The following BCAM variants were observed in gnomAD, a reference collection of about 807,000 sequenced individuals.
The protein encoded by BCAM is basal cell adhesion molecule (Lutheran blood group).
In BCAM, 61 loss-of-function variants were observed where a neutral mutation model predicts 72.4. The ratio of observed to expected loss-of-function variants is 0.84; its 90% CI spans 0.69 to 1.04. The LOEUF (loss-of-function observed/expected upper bound fraction) is 1.04, where lower values mean the gene tolerates loss of function less well. BCAM is among the 50% of genes least tolerant of loss of function. The probability of loss-of-function intolerance (pLI) is 0.00; values close to 1 mark genes in which losing one functional copy is unlikely to be tolerated. For missense variants in BCAM, 909 were observed against 895.0 expected, an observed-to-expected ratio of 1.02 and a Z score of -0.20; for synonymous variants, 408 against 384.2, an observed-to-expected ratio of 1.06 and a Z score of -0.73.
Position 44,813,297 on chromosome 19 carries a change from G to T in BCAM, c.552G>T (p.Thr184=). 1 of 1,614,126 alleles carries T rather than the reference G, an allele frequency of 6.2e-7. No homozygotes were observed. Among genetic ancestry groups the T allele is most frequent in the Non-Finnish European group, 8.5e-7 (1 of 1,180,026 alleles). ...ACGGGAACCCGGCCCCCAAGATCAC[G>T]TGGTATCGCAACGGGCAGCGCCTGG... is the stretch of plus-strand genomic sequence containing the variant. The part of the protein sequence containing the change: ...SRNGNPAPKI[T]WYRNGQRLEV... Residue 184 remains threonine (T), a synonymous_variant, in exon 5 of 15, where the codon ACG becomes ACT. Transcript: ENST00000270233. The surrounding 1 kb of genome is among the most constrained non-coding windows in gnomAD (Gnocchi z 4.2).
Position 44,809,145 on chromosome 19 carries a change from G to A in BCAM, c.21G>A (p.Pro7=), listed in dbSNP as rs1043508941. Residue 7 remains proline (P), a synonymous_variant, in exon 1 of 15, where the codon CCG becomes CCA. Transcript: ENST00000270233. MEPPDA[P]AQARGAPRLL... Reference sequence around the variant, plus strand: ...TGAACATGGAGCCCCCGGACGCACCGGCCCAGGCGCGCGGGGCCCCGCGGC... The same window carrying A: ...TGAACATGGAGCCCCCGGACGCACCAGCCCAGGCGCGCGGGGCCCCGCGGC... 54 of 1,467,258 alleles carry A rather than the reference G, an allele frequency of 3.7e-5. No individual in the cohort carries two copies. The highest frequency in any genetic ancestry group is 4.7e-5 in the Non-Finnish European group (52 of 1,112,916). 90.9% of individuals were successfully genotyped at this position (1,467,258 alleles called of 1,614,324 possible). A position where few individuals can be genotyped will look rare whatever the true frequency, so the allele number is the denominator to read the frequency against.
At position 44,812,540 on chromosome 19, in the gene BCAM, G is replaced by A; in HGVS notation, c.496G>A (p.Ala166Thr). ...KGTLSVMEDSAQEIATCNSRN... is the reference protein window; with the variant it reads ...KGTLSVMEDSTQEIATCNSRN... ...GACACTGTCTGTGATGGAGGACTCT[G>A]CCCAGGAGGTACCTCTCGGGTGGAC... Residue 166 changes from alanine to threonine, a missense_variant, in exon 4 of 15, where the codon GCC (alanine) becomes ACC (threonine). Physicochemically the swap from Ala to Thr is moderately conservative, Grantham distance 58 (BLOSUM62 0). Coordinates refer to ENST00000270233, the MANE Select transcript of BCAM (RefSeq NM_005581.5). The surrounding 1 kb of genome is among the most constrained non-coding windows in gnomAD (Gnocchi z 5.3). 1 of 1,614,190 alleles carries A rather than the reference G, an allele frequency of 6.2e-7. No homozygotes were observed.
chr19:44,819,758 T>C, intron 13 of BCAM, 32 bp downstream of exon 13: 1 of 1,562,388 alleles, frequency 6.4e-7, no homozygotes, highest in Non-Finnish European at 8.6e-7. Flanking sequence ...ATGACCACCA[T>C]AGCTTAACCC....
At chr19:44,817,009 G>A (rs982194340) in intron 8 of BCAM, among the ~76,000 whole-genome samples, 11 of 152,000 alleles carry the variant, frequency 7.2e-5, no homozygotes, top group Admixed American at 5.2e-4. Flanking sequence ...AGGCAGAGGC[G>A]GGCAGATCAT....
rs766822712 is a variant in BCAM at position 44,819,077 on chromosome 19, C to G, written c.1358C>G (p.Ala453Gly). 1.9e-6 allele frequency: 3 copies of G among 1,614,020 alleles called. No individual in the cohort carries two copies. The South Asian group carries it at 3.3e-5, about 18-fold the overall frequency. Residue 453 changes from alanine to glycine, a missense_variant, in exon 11 of 15, where the codon GCG becomes GGG. Physicochemically the swap from Ala to Gly is moderately conservative, Grantham distance 60. Coordinates refer to ENST00000270233, the MANE Select transcript of BCAM (RefSeq NM_005581.5). ...ACAGGCTCGCCAGAGCTAAAGACAGCGGAAATAGAGCCCAAGGCAGATGGC... is the reference window on the plus strand; with the variant it reads ...ACAGGCTCGCCAGAGCTAAAGACAGGGGAAATAGAGCCCAAGGCAGATGGC... ...LVQGSPELKTAEIEPKADGSW... is the reference protein window; with the variant it reads ...LVQGSPELKTGEIEPKADGSW...
rs754116424 is a variant in BCAM at position 44,819,188 on chromosome 19, G to A, written c.1469G>A (p.Gly490Asp). The A allele has an allele frequency of 3.7e-6, 6 of 1,613,856 alleles. No individual in the cohort carries two copies. The highest frequency in any genetic ancestry group is 1.7e-5 in the Admixed American group (1 of 59,976). The change falls in exon 11 of 15, where the codon GGC becomes GAC. Residue 490 changes from glycine to aspartate, a missense_variant. Coordinates refer to ENST00000270233, the MANE Select transcript of BCAM (RefSeq NM_005581.5). ...AAACTCAGCTGGAGCCAATTGGGGG[G>A]CAGCGTAAGGGACCTTCCTCTCCAC... The part of the protein sequence containing the change: ...DPKLSWSQLG[G>D]SPAEPIPGRQ...
At position 44,820,629 on chromosome 19, in the gene BCAM, A is replaced by G. The variant is rs1378796146; in HGVS notation, c.1764-76A>G. ...CCCCAGCCGCATCCTAGTCCCACCCACCCCCATCCTCAGTTCCTCCCCCTG... is the reference window on the plus strand; with the variant it reads ...CCCCAGCCGCATCCTAGTCCCACCCGCCCCCATCCTCAGTTCCTCCCCCTG... On this transcript the variant is annotated intron_variant, in intron 13 of 14. Coordinates refer to ENST00000270233, the MANE Select transcript of BCAM (RefSeq NM_005581.5). 3.5e-6 allele frequency: 3 copies of G among 865,894 alleles called. No individual in the cohort carries two copies. The African/African-American group carries it at 8.6e-5, about 25-fold the overall frequency. 53.6% of individuals were successfully genotyped at this position (865,894 alleles called of 1,614,324 possible). A position where few individuals can be genotyped will look rare whatever the true frequency, so the allele number is the denominator to read the frequency against.
intron 13 of BCAM, 117 bp downstream of exon 13, chr19:44,819,843 T>C (rs28399661): frequency 0.034 from 48,477 of 1,423,654 alleles, 946 homozygotes; most frequent in Middle Eastern, 0.045. Flanking sequence ...TCCCACCACA[T>C]CCACCTCCAT....
In BCAM at chr19:44,813,763, T is replaced by C; in HGVS notation, c.784+143T>C. 7 of 1,178,930 alleles carry C rather than the reference T, an allele frequency of 5.9e-6. No individual in the cohort carries two copies. The highest frequency in any genetic ancestry group is 8.1e-6 in the Non-Finnish European group (7 of 859,610). The allele number at this position is 1,178,930 out of a possible 1,614,324, so 73.0% of individuals were successfully genotyped here. A position where few individuals can be genotyped will look rare whatever the true frequency, so the allele number is the denominator to read the frequency against. ...AAAAAAATGTGCTAGTGCTGGCCAC[T>C]GACCTCTGACCTCAATTGGTCGCAC... On this transcript the variant is annotated intron_variant, in intron 6 of 14. Transcript: ENST00000270233. This position sits in a 1 kb window ranked among gnomAD's most constrained non-coding sequence, Gnocchi z 4.2.
chr19:44,818,899 G>T lies in BCAM; in HGVS notation c.1336+17G>T. ...TGGTCCAAGGTTCAGGGGGCAGGGA[G>T]GGGGTGGGCTTGGATGGGGACAGTG... On this transcript the variant is annotated intron_variant, in intron 10 of 14. Coordinates refer to ENST00000270233, the MANE Select transcript of BCAM (RefSeq NM_005581.5). This position sits in a 1 kb window ranked among gnomAD's most constrained non-coding sequence, Gnocchi z 4.6. 6.2e-7 allele frequency: 1 copy of T among 1,611,548 alleles called. No individual in the cohort carries two copies. The highest frequency in any genetic ancestry group is 1.3e-5 in the African/African-American group (1 of 75,024).
chr19:44,813,461 G>A lies in BCAM; in HGVS notation c.625G>A (p.Val209Ile). The change falls in exon 6 of 15, where the codon GTC becomes ATC. Residue 209 changes from valine (V) to isoleucine (I), a missense_variant. Physicochemically the swap from Val to Ile is conservative, Grantham distance 29. Coordinates refer to ENST00000270233, the MANE Select transcript of BCAM (RefSeq NM_005581.5). This position sits in a 1 kb window ranked among gnomAD's most constrained non-coding sequence, Gnocchi z 4.2. ...AGAGGGCTACATGACCAGCCGCACG[G>A]TCCGGGAGGCCTCGGGCCTGCTCTC... ...NPEGYMTSRTVREASGLLSLT... is the reference protein window; with the variant it reads ...NPEGYMTSRTIREASGLLSLT... 6.2e-7 allele frequency: 1 copy of A among 1,611,826 alleles called. No homozygotes were observed. The highest frequency in any genetic ancestry group is 1.1e-5 in the South Asian group (1 of 91,048).
intron 1 of BCAM, among the ~76,000 whole-genome samples, chr19:44,809,425 A>G (rs1968388092): frequency 6.6e-6 from 1 of 152,048 alleles, no homozygotes; most frequent in African/African-American, 2.4e-5. Flanking sequence ...ATCAGAGACA[A>G]CCAGAGAAGT....
intron 14 of BCAM, 39 bp from the exon 15 acceptor site, chr19:44,820,877 G>T: frequency 6.4e-7 from 1 of 1,552,238 alleles, no homozygotes; most frequent in Non-Finnish European, 8.7e-7. Flanking sequence ...AGTGGAGCAC[G>T]CCCGTGGGCA....
At position 44,814,108 on chromosome 19, in the gene BCAM, C is replaced by T. The variant is rs958968247; in HGVS notation, c.785-44C>T. 2 of 1,547,172 alleles carry T rather than the reference C, an allele frequency of 1.3e-6. No individual in the cohort carries two copies. Among genetic ancestry groups the T allele is most frequent in the Non-Finnish European group, 1.7e-6 (2 of 1,154,364 alleles). On this transcript the variant is annotated intron_variant, in intron 6 of 14. Transcript: ENST00000270233. This position sits in a 1 kb window ranked among gnomAD's most constrained non-coding sequence, Gnocchi z 4.6. ...CCTCTCGCCTGTCCTCTAGCCTTGA[C>T]CCTTCCCCTGATCACAATTCCCATC...
Position 44,809,144 on chromosome 19 carries a change from C to G in BCAM, c.20C>G (p.Pro7Arg). Residue 7 changes from proline (P) to arginine (R), a missense_variant, in exon 1 of 15, where the codon CCG becomes CGG. Pro to Arg is a moderately radical substitution (Grantham distance 103). Transcript: ENST00000270233. MEPPDAPAQARGAPRLL... is the reference protein window; with the variant it reads MEPPDARAQARGAPRLL... Reference sequence around the variant, plus strand: ...GTGAACATGGAGCCCCCGGACGCACCGGCCCAGGCGCGCGGGGCCCCGCGG... The same window carrying G: ...GTGAACATGGAGCCCCCGGACGCACGGGCCCAGGCGCGCGGGGCCCCGCGG... 6.8e-7 allele frequency: 1 copy of G among 1,467,320 alleles called. No individual in the cohort carries two copies. Among genetic ancestry groups the G allele is most frequent in the Non-Finnish European group, 9.0e-7 (1 of 1,112,956 alleles). The allele number at this position is 1,467,320 out of a possible 1,614,324, so 90.9% of individuals were successfully genotyped here.
At position 44,814,859 on chromosome 19, in the gene BCAM, C is replaced by G; in HGVS notation, c.1078+99C>G. ...CCTGAAGTTGCTCTGTCATCCCAAACACTCTGCCTTCAACCCTTTCTCTGC... is the reference window on the plus strand; with the variant it reads ...CCTGAAGTTGCTCTGTCATCCCAAAGACTCTGCCTTCAACCCTTTCTCTGC... On this transcript the variant is annotated intron_variant, in intron 8 of 14. Coordinates refer to ENST00000270233, the MANE Select transcript of BCAM (RefSeq NM_005581.5). This position sits in a 1 kb window ranked among gnomAD's most constrained non-coding sequence, Gnocchi z 4.6. 7.8e-7 allele frequency: 1 copy of G among 1,278,468 alleles called. No individual in the cohort carries two copies. Among genetic ancestry groups the G allele is most frequent in the South Asian group, 1.8e-5 (1 of 54,176 alleles). 79.2% of individuals were successfully genotyped at this position (1,278,468 alleles called of 1,614,324 possible).
chr19:44,810,308 C>T (rs1968400001), intron 1 of BCAM, among the ~76,000 whole-genome samples: 1 of 152,140 alleles, frequency 6.6e-6, no homozygotes, highest in Non-Finnish European at 1.5e-5. Flanking sequence ...CAAGATGACT[C>T]GACTTATCCC....
intron 13 of BCAM, 90 bp from the exon 14 acceptor site, chr19:44,820,615 T>A: frequency 2.6e-6 from 3 of 1,167,482 alleles, no homozygotes; most frequent in Non-Finnish European, 2.1e-6. Context: ...CCCAGCCGCA[T>A]CCTAGTCCCA....
rs1968450131 is a variant in BCAM, at chr19:44,813,172, G to A, written c.505-78G>A. The A allele has an allele frequency of 1.3e-6, 2 of 1,496,394 alleles. No individual in the cohort carries two copies. Among genetic ancestry groups the A allele is most frequent in the African/African-American group, 1.4e-5 (1 of 72,204 alleles). 92.7% of individuals were successfully genotyped at this position (1,496,394 alleles called of 1,614,324 possible). ...AGGAGCCCGGCTCATGAGTCTGAGT[G>A]GGGAGAACTCCTGAGAGAGGAGCCC... is the stretch of plus-strand genomic sequence containing the variant. On this transcript the variant is annotated intron_variant, in intron 4 of 14. Coordinates refer to ENST00000270233, the MANE Select transcript of BCAM (RefSeq NM_005581.5). This position sits in a 1 kb window ranked among gnomAD's most constrained non-coding sequence, Gnocchi z 4.2.
Sources: allele counts gnomAD v4.1 joint callset (sites outside exome capture counted in the v4.1 genomes callset), GRCh38; gene constraint gnomAD v4.1.1; non-coding constraint Gnocchi (gnomAD v3.1); transcripts MANE v1.5; gene names NCBI Gene and HGNC (gene_info 2026-07-23, HGNC 2026-07-21).